Variants in PSMB2 observed in about 807,000 individuals in gnomAD.
PSMB2 encodes proteasome 20S subunit beta 2, also known as proteasome subunit beta type-2.
In PSMB2, 13 loss-of-function variants were observed where a neutral mutation model predicts 25.7. The observed-to-expected ratio is 0.51, with a 90% CI of 0.33 to 0.80. The LOEUF (loss-of-function observed/expected upper bound fraction) is 0.80. Among genes scored for constraint, PSMB2 ranks in the 30% least tolerant of loss-of-function variants. The pLI is 0.02. For missense variants in PSMB2, 202 were observed against 259.0 expected (o/e 0.78, Z 1.51); for synonymous variants, 87 against 96.2 (o/e 0.90, Z 0.56).
At chr1:35,638,374 G>A (rs1168023142) in intron 1 of PSMB2, among the ~76,000 whole-genome samples, 1 of 152,172 alleles carries the variant, frequency 6.6e-6, no homozygotes, top group East Asian at 1.9e-4. Context: ...ACATTAGCAT[G>A]TCATACTGTG....
At chr1:35,628,595 AAATATATATATATAT>A (rs1364689215) in intron 3 of PSMB2, among the ~76,000 whole-genome samples, 52 of 12,058 alleles carry the variant, frequency 4.3e-3, no homozygotes, top group Non-Finnish European at 5.4e-3. Context: ...AAAAAAAAAA[AAATATATATATATAT>A]ATATATATAT....
intron 3 of PSMB2, among the ~76,000 whole-genome samples, chr1:35,616,657 C>A (rs1291735782): frequency 6.6e-6 from 1 of 152,142 alleles, no homozygotes; most frequent in Non-Finnish European, 1.5e-5. Context: ...TCAATAAATA[C>A]CCATGATGAT....
At chr1:35,608,284 G>A (rs1019116849) in intron 4 of PSMB2, among the ~76,000 whole-genome samples, 5 of 151,864 alleles carry the variant, frequency 3.3e-5, no homozygotes, top group African/African-American at 1.2e-4. Flanking sequence ...AGAATTGCTT[G>A]AACCTGGGAG....
chr1:35,626,462 T>C (rs1331234945), intron 3 of PSMB2, among the ~76,000 whole-genome samples: 2 of 152,226 alleles, frequency 1.3e-5, no homozygotes, highest in Non-Finnish European at 2.9e-5. Flanking sequence ...CAAACACTTA[T>C]TGAAAACCTA....
intron 3 of PSMB2, among the ~76,000 whole-genome samples, chr1:35,628,592 AAAAAATATATATATATAT>A (rs1172002099): frequency 2.3e-3 from 43 of 19,084 alleles, no homozygotes; most frequent in Admixed American, 3.7e-3. Flanking sequence ...AAAAAAAAAA[AAAAAATATATATATATAT>A]ATATATATAT....
chr1:35,615,750 C>T (rs958451240), intron 3 of PSMB2, among the ~76,000 whole-genome samples: 9 of 152,090 alleles, frequency 5.9e-5, no homozygotes, highest in Non-Finnish European at 8.8e-5. Flanking sequence ...TTGAATGGGA[C>T]GACACTGCTA....
intron 1 of PSMB2, 79 bp from the exon 2 acceptor site, chr1:35,636,511 T>A: frequency 6.7e-7 from 1 of 1,496,680 alleles, no homozygotes; most frequent in Non-Finnish European, 9.0e-7. Flanking sequence ...ATAAACAGGT[T>A]TATTAATTAC....
intron 2 of PSMB2, among the ~76,000 whole-genome samples, chr1:35,633,087 G>A (rs750327611): frequency 4.1e-4 from 62 of 151,846 alleles, no homozygotes; most frequent in Non-Finnish European, 6.8e-4. Flanking sequence ...CAGGCATGGC[G>A]GTGCATGCCT....
chr1:35,624,264 A>C (rs1571134284), intron 3 of PSMB2, among the ~76,000 whole-genome samples: 1 of 152,210 alleles, frequency 6.6e-6, no homozygotes, highest in Non-Finnish European at 1.5e-5. Flanking sequence ...AACCCTAAAA[A>C]CCATCCAATC....
Position 35,600,415 on chromosome 1 carries a change from A to T in PSMB2, c.*2852T>A, listed in dbSNP as rs547059468. The T allele has an allele frequency of 4.2e-5, 35 of 834,308 alleles. No homozygotes were observed. The African/African-American group carries it at 6.1e-4, about 15-fold the overall frequency. The allele number at this position is 834,308 out of a possible 1,614,324, so 51.7% of individuals were successfully genotyped here. On this transcript the variant is annotated 3_prime_UTR_variant, in exon 6 of 6. Transcript: ENST00000373237. The stretch of plus-strand genomic sequence containing the variant: ...ACAAACATACTGTGGTATATAGAAG[A>T]TGTTAACATTACAGAAACTGAATAA...
At chr1:35,617,924 T>C (rs947722523) in intron 3 of PSMB2, among the ~76,000 whole-genome samples, 4 of 152,210 alleles carry the variant, frequency 2.6e-5, no homozygotes, top group Non-Finnish European at 4.4e-5. Context: ...ACATAGCACA[T>C]TGGTTAATTG....
chr1:35,603,134 G>C lies in PSMB2; in HGVS notation c.*133C>G, dbSNP rs1557445011. Reference sequence around the variant, plus strand: ...TAGGTAAACTGAGACCTGGACCAGAGGGCTCAATTATATCCATAGTCACCT... The same window carrying C: ...TAGGTAAACTGAGACCTGGACCAGACGGCTCAATTATATCCATAGTCACCT... On this transcript the variant is annotated 3_prime_UTR_variant, in exon 6 of 6. Transcript: ENST00000373237. The C allele has an allele frequency of 2.1e-6, 3 of 1,440,188 alleles. No individual in the cohort carries two copies. In the African/African-American group the frequency reaches 4.3e-5, roughly 21 times the overall value. 89.2% of individuals were successfully genotyped at this position (1,440,188 alleles called of 1,614,324 possible). A position where few individuals can be genotyped will look rare whatever the true frequency, so the allele number is the denominator to read the frequency against.
chr1:35,624,292 C>T (rs906660186), intron 3 of PSMB2, among the ~76,000 whole-genome samples: 1 of 152,202 alleles, frequency 6.6e-6, no homozygotes, highest in African/African-American at 2.4e-5. Flanking sequence ...TGCTTTCTCC[C>T]AAGGTTTTCA....
At chr1:35,631,917 T>C (rs113713278) in intron 2 of PSMB2, among the ~76,000 whole-genome samples, 5,821 of 152,020 alleles carry the variant, frequency 0.038, 351 homozygotes, top group African/African-American at 0.12. Context: ...CCCAGCTACT[T>C]AGGAGGCTGA....
chr1:35,632,515 T>C (rs1651134123), intron 2 of PSMB2, among the ~76,000 whole-genome samples: 1 of 152,236 alleles, frequency 6.6e-6, no homozygotes, highest in Non-Finnish European at 1.5e-5. Flanking sequence ...GCAGCAACTA[T>C]GTTTCAGGGT....
chr1:35,605,412 G>A (rs1025234119), intron 4 of PSMB2, 130 bp from the exon 5 acceptor site: 5 of 916,596 alleles, frequency 5.5e-6, no homozygotes, highest in Non-Finnish European at 8.7e-6. Context: ...GGCAAAAAAT[G>A]CTTTGCCTTC....
In PSMB2 at chr1:35,637,940, G is replaced by A. The variant is rs530252852; in HGVS notation, c.92-1508C>T. 4.6e-5 allele frequency among the ~76,000 whole-genome samples: 7 copies of A among 152,172 alleles called. No individual in the cohort carries two copies. The South Asian group carries it at 1.0e-3, about 23-fold the overall frequency. On this transcript the variant is annotated intron_variant, in intron 1 of 5. Coordinates refer to ENST00000373237, the MANE Select transcript of PSMB2 (RefSeq NM_002794.5). ...AGTGGTAAGAGTATGGGCAGTTTTCGTTTCCTTCTTTTGCTTGTTGGTTTT... is the reference window on the plus strand; with the variant it reads ...AGTGGTAAGAGTATGGGCAGTTTTCATTTCCTTCTTTTGCTTGTTGGTTTT...
In PSMB2 at chr1:35,620,533, C is replaced by T. The variant is rs906651430; in HGVS notation, c.285+10741G>A. Among the ~76,000 whole-genome samples, 2 of 151,954 alleles carry T rather than the reference C, an allele frequency of 1.3e-5. 1 individual carries two copies. ...ATTTATTTATTTAGAGACAGAGTCT[C>T]GCTCTGTCACCCAGGCTGGAGTGCA... On this transcript the variant is annotated intron_variant, in intron 3 of 5. Transcript: ENST00000373237.
chr1:35,605,090 C>T, intron 5 of PSMB2, 143 bp downstream of exon 5: 1 of 703,942 alleles, frequency 1.4e-6, no homozygotes, highest in Admixed American at 2.7e-5. Context: ...AAACTCTATC[C>T]CTGGTAGCAA....
Sources: gnomAD v4.1 joint callset for allele counts (sites outside exome capture counted in the v4.1 genomes callset) on GRCh38, gnomAD v4.1.1 for gene constraint, MANE v1.5 for transcripts, NCBI Gene and HGNC (gene_info 2026-07-23, HGNC 2026-07-21) for gene names.